Variants in NEDD9 observed in about 807,000 individuals in gnomAD.
NEDD9 encodes the protein neural precursor cell expressed, developmentally down-regulated 9, also known as enhancer of filamentation 1.
NEDD9 carries 26 observed loss-of-function variants against 76.6 expected under a neutral mutation model. The observed-to-expected ratio is 0.34, with a 90% CI of 0.25 to 0.47. The LOEUF is 0.47. Among genes scored for constraint, NEDD9 ranks in the 20% least tolerant of loss-of-function variants. The pLI, the probability that NEDD9 is intolerant of heterozygous loss-of-function variation, is 1.00. For missense variants in NEDD9, 937 were observed against 1,058.5 expected, an observed-to-expected ratio of 0.89 and a Z score of 1.59; for synonymous variants, 392 against 414.2, an observed-to-expected ratio of 0.95 and a Z score of 0.65.
chr6:11,294,353 G>A (rs973433208), intron 3 of NEDD9, among the ~76,000 whole-genome samples: 9 of 152,150 alleles, frequency 5.9e-5, no homozygotes, highest in African/African-American at 2.2e-4. Context: ...GGAGGGGTCT[G>A]GTGGGAAATG....
At chr6:11,208,749 A>C (rs1374605474) in intron 2 of NEDD9, among the ~76,000 whole-genome samples, 1 of 152,262 alleles carries the variant, frequency 6.6e-6, no homozygotes, top group Non-Finnish European at 1.5e-5. Context: ...AAGAAAAATC[A>C]GAGAAGCACA....
In NEDD9 at chr6:11,225,618, T is replaced by C. The variant is rs546255164; in HGVS notation, c.12+6886A>G. On this transcript the variant is annotated intron_variant, in intron 1 of 6. Transcript: ENST00000379446. ...CCGGGTTCAAGCCATTCTCCTGCCT[T>C]AGCCTCCCAAGTAGCTGGGATTACA... 3.3e-5 allele frequency among the ~76,000 whole-genome samples: 5 copies of C among 152,128 alleles called. No homozygotes were observed. The South Asian group carries it at 8.3e-4, about 25-fold the overall frequency.
intron 2 of NEDD9, among the ~76,000 whole-genome samples, chr6:11,319,523 C>CACTCAT (rs1761699265): frequency 6.7e-6 from 1 of 149,726 alleles, no homozygotes; most frequent in Admixed American, 6.8e-5. Flanking sequence ...CTAACATGCA[C>CACTCAT]ACTCACACTA....
At chr6:11,233,396 T>C, upstream of NEDD9, 2 of 519,010 alleles carry the variant, frequency 3.9e-6, no homozygotes, top group Non-Finnish European at 7.7e-6. Flanking sequence ...GTGGCTTTGC[T>C]GAGGATAAAG....
chr6:11,256,113 A>G (rs932530010), intron 3 of NEDD9, among the ~76,000 whole-genome samples: 1 of 152,220 alleles, frequency 6.6e-6, no homozygotes, highest in Non-Finnish European at 1.5e-5. Flanking sequence ...ATGGGGCATC[A>G]TAACTGAACA....
chr6:11,382,348 T>G (rs998023631), upstream of NEDD9: 1 of 152,240 alleles, frequency 6.6e-6, no homozygotes, highest in African/African-American at 2.4e-5. Flanking sequence ...TATGTATGTG[T>G]GTGTTTTTCC....
At position 11,190,536 on chromosome 6, in the gene NEDD9, T is replaced by A. The variant is rs755426208; in HGVS notation, c.1333A>T (p.Ile445Phe). The change falls in exon 5 of 7, where the codon ATC becomes TTC. Residue 445 changes from isoleucine (I) to phenylalanine (F), a missense_variant. By Grantham distance (21) the Ile-to-Phe change is conservative (BLOSUM62 0). Coordinates refer to ENST00000379446, the MANE Select transcript of NEDD9 (RefSeq NM_006403.4). The surrounding 1 kb of genome is among the most constrained non-coding windows in gnomAD (Gnocchi z 5.8). ...WRCYGYMERHINEIRTAVDKV... is the reference protein window; with the variant it reads ...WRCYGYMERHFNEIRTAVDKV... ...TCCACTGCTGTGCGTATTTCATTGA[T>A]GTGTCTTTCCATATATCCGTAACAC... 1 of 1,614,220 alleles carries A rather than the reference T, an allele frequency of 6.2e-7. No individual in the cohort carries two copies. Among genetic ancestry groups the A allele is most frequent in the East Asian group, 2.2e-5 (1 of 44,880 alleles).
At chr6:11,349,266 AT>A (rs1258259091) in intron 1 of NEDD9, among the ~76,000 whole-genome samples, 1 of 152,236 alleles carries the variant, frequency 6.6e-6, no homozygotes, top group Non-Finnish European at 1.5e-5. Context: ...AAATAAAAAA[AT>A]AACAGATGCT....
chr6:11,220,310 T>G (rs955831626), intron 1 of NEDD9, among the ~76,000 whole-genome samples: 1 of 152,324 alleles, frequency 6.6e-6, no homozygotes, highest in South Asian at 2.1e-4. Context: ...AGGAGTATCT[T>G]GGACCCCCCC....
At chr6:11,381,972 G>A (rs773583304) in intron 1 of NEDD9, among the ~76,000 whole-genome samples, 1 of 152,152 alleles carries the variant, frequency 6.6e-6, no homozygotes, top group Non-Finnish European at 1.5e-5. Flanking sequence ...CTTGGAGACC[G>A]GGAGTCACTC....
At chr6:11,340,431 A>G (rs1047473872) in intron 1 of NEDD9, among the ~76,000 whole-genome samples, 1 of 152,182 alleles carries the variant, frequency 6.6e-6, no homozygotes, top group Non-Finnish European at 1.5e-5. Flanking sequence ...AGAGAATTTG[A>G]CAGGAATTAT....
Position 11,185,097 on chromosome 6 carries a change from C to T in NEDD9, c.*65G>A. 1.3e-6 allele frequency: 2 copies of T among 1,494,938 alleles called. No individual in the cohort carries two copies. Among genetic ancestry groups the T allele is most frequent in the South Asian group, 2.7e-5 (2 of 72,872 alleles). 92.6% of individuals were successfully genotyped at this position (1,494,938 alleles called of 1,614,324 possible). On this transcript the variant is annotated 3_prime_UTR_variant, in exon 7 of 7. Transcript: ENST00000379446. Reference sequence around the variant, plus strand: ...CAAAAATAGATAACATTTACAAAAACCAGACAGTATTTCCAGTTTTCCTTA... The same window carrying T: ...CAAAAATAGATAACATTTACAAAAATCAGACAGTATTTCCAGTTTTCCTTA...
At chr6:11,251,004 G>T (rs1759903809) in intron 3 of NEDD9, among the ~76,000 whole-genome samples, 1 of 152,160 alleles carries the variant, frequency 6.6e-6, no homozygotes, top group African/African-American at 2.4e-5. Flanking sequence ...GAATTTTTCT[G>T]CTGTAAGGAG....
intron 1 of NEDD9, among the ~76,000 whole-genome samples, chr6:11,338,193 G>A (rs532314517): frequency 2.0e-5 from 3 of 152,276 alleles, no homozygotes; most frequent in South Asian, 2.1e-4. Flanking sequence ...TATAAAAGTG[G>A]AAAATTTGGA....
rs566031035 is a variant in NEDD9, at chr6:11,325,975, G to A, written c.-153+8526C>T. Among the ~76,000 whole-genome samples, 12 of 152,106 alleles carry A rather than the reference G, an allele frequency of 7.9e-5. No homozygotes were observed. The South Asian group carries it at 8.3e-4, about 11-fold the overall frequency. ...AGTCTGGCCAACATGGCGAAACCCCGTCTCTACTAAAAATACAGAAATTAG... is the reference window on the plus strand; with the variant it reads ...AGTCTGGCCAACATGGCGAAACCCCATCTCTACTAAAAATACAGAAATTAG... On this transcript the variant is annotated intron_variant, in intron 2 of 3. Transcript: ENST00000397378.
chr6:11,280,320 A>G (rs1052715422), intron 3 of NEDD9, among the ~76,000 whole-genome samples: 1 of 152,220 alleles, frequency 6.6e-6, no homozygotes, highest in African/African-American at 2.4e-5. Flanking sequence ...TCACTCCACC[A>G]CTTGGCTGTG....
At chr6:11,301,860 A>G (rs1168994625) in intron 3 of NEDD9, among the ~76,000 whole-genome samples, 1 of 152,234 alleles carries the variant, frequency 6.6e-6, no homozygotes, top group Non-Finnish European at 1.5e-5. Context: ...GGATACATTT[A>G]GAGCAGTGTG....
intron 2 of NEDD9, among the ~76,000 whole-genome samples, chr6:11,329,899 A>G (rs1029694380): frequency 2.6e-5 from 4 of 152,236 alleles, no homozygotes; most frequent in African/African-American, 9.6e-5. Flanking sequence ...AGCCTGAGCA[A>G]CCCTGCACTG....
chr6:11,190,475 A>C lies in NEDD9; in HGVS notation c.1394T>G (p.Phe465Cys). 1 of 1,614,146 alleles carries C rather than the reference A, an allele frequency of 6.2e-7. No individual in the cohort carries two copies. Among genetic ancestry groups the C allele is most frequent in the Non-Finnish European group, 8.5e-7 (1 of 1,180,018 alleles). ...AGCATTTGCAACAGCTCCCTTGACA[A>C]AGTGGAGGTACTCCTTCAGGAACAG... ...VELFLKEYLH[F>C]VKGAVANAAC... The change falls in exon 5 of 7, where the codon TTT becomes TGT. Residue 465 changes from phenylalanine to cysteine, a missense_variant. Phe to Cys is a radical substitution (Grantham distance 205). Transcript: ENST00000379446. The surrounding 1 kb of genome is among the most constrained non-coding windows in gnomAD (Gnocchi z 5.8).
Sources: allele counts gnomAD v4.1 joint callset (sites outside exome capture counted in the v4.1 genomes callset), GRCh38; gene constraint gnomAD v4.1.1; non-coding constraint Gnocchi (gnomAD v3.1); transcripts MANE v1.5; gene names NCBI Gene and HGNC (gene_info 2026-07-23, HGNC 2026-07-21).